Variants in TNPO2 observed in about 807,000 individuals in gnomAD.
TNPO2 encodes transportin 2.
In TNPO2, 16 loss-of-function variants were observed where a neutral mutation model predicts 111.1. The observed-to-expected ratio is 0.14, with a 90% CI of 0.10 to 0.22. The LOEUF (loss-of-function observed/expected upper bound fraction) is 0.22. Ranked by LOEUF, TNPO2 falls within the 10% of genes least tolerant of loss-of-function variation. The pLI, the probability that TNPO2 is intolerant of heterozygous loss-of-function variation, is 1.00. For synonymous variants in TNPO2, 481 were observed against 475.8 expected, an observed-to-expected ratio of 1.01 and a Z score of -0.14; for missense variants, 530 against 1,173.7, an observed-to-expected ratio of 0.45 and a Z score of 8.01.
intron 3 of TNPO2, among the ~76,000 whole-genome samples, chr19:12,720,129 G>A: frequency 6.6e-6 from 1 of 152,014 alleles, no homozygotes. Flanking sequence ...CGATTCTCCT[G>A]CCTCAGCCTC....
At chr19:12,704,293 C>G (rs1201106331) in intron 18 of TNPO2, among the ~76,000 whole-genome samples, 1 of 151,102 alleles carries the variant, frequency 6.6e-6, no homozygotes, top group Non-Finnish European at 1.5e-5. Context: ...TGCTTGAACC[C>G]TGGAGGTGAA....
chr19:12,713,504 T>TAAAC (rs1249850488), intron 10 of TNPO2, among the ~76,000 whole-genome samples: 2 of 146,802 alleles, frequency 1.4e-5, no homozygotes, highest in Non-Finnish European at 2.9e-5. Context: ...AATAAATAAA[T>TAAAC]AAATAAATAA....
chr19:12,722,905 C>T (rs1967100899), intron 2 of TNPO2, among the ~76,000 whole-genome samples: 2 of 152,212 alleles, frequency 1.3e-5, no homozygotes, highest in Admixed American at 1.3e-4. Context: ...AGGAACCCCT[C>T]GGCCAGAGCC....
intron 3 of TNPO2, among the ~76,000 whole-genome samples, chr19:12,720,308 C>T (rs1333064883): frequency 6.6e-6 from 1 of 152,052 alleles, no homozygotes; most frequent in Non-Finnish European, 1.5e-5. Context: ...CGTGAACCAC[C>T]GCGCCTGGCC....
rs2025232489 is a variant in TNPO2 at position 12,700,623 on chromosome 19, C to A, written c.*641G>T. On this transcript the variant is annotated 3_prime_UTR_variant, in exon 26 of 26. Coordinates refer to ENST00000425528, the MANE Select transcript of TNPO2 (RefSeq NM_001382241.1). ...CTCCCAAGGTCACCATCCTCCTCCC[C>A]CCGCCCCGAGATCCCGCCTGAGGCC... 1 of 151,708 alleles carries A rather than the reference C, an allele frequency of 6.6e-6. No homozygotes were observed. Among genetic ancestry groups the A allele is most frequent in the Middle Eastern group, 3.4e-3 (1 of 292 alleles). The allele number at this position is 151,708 out of a possible 1,614,324, so 9.4% of individuals were successfully genotyped here. A position where few individuals can be genotyped will look rare whatever the true frequency, so the allele number is the denominator to read the frequency against.
At position 12,715,038 on chromosome 19, in the gene TNPO2, C is replaced by T. The variant is rs778938593; in HGVS notation, c.771+9G>A. The T allele has an allele frequency of 4.6e-6, 7 of 1,529,796 alleles. No individual in the cohort carries two copies. The Admixed American group carries it at 1.3e-4, about 29-fold the overall frequency. The allele number at this position is 1,529,796 out of a possible 1,614,324, so 94.8% of individuals were successfully genotyped here. On this transcript the variant is annotated intron_variant, in intron 9 of 25. Coordinates refer to ENST00000425528, the MANE Select transcript of TNPO2 (RefSeq NM_001382241.1). The surrounding 1 kb of genome is among the most constrained non-coding windows in gnomAD (Gnocchi z 7.1). ...CCTGCCCGCCTGGGCTGGCCTTGACCATGCACACCTGGATGATGCTGTGCA... is the reference window on the plus strand; with the variant it reads ...CCTGCCCGCCTGGGCTGGCCTTGACTATGCACACCTGGATGATGCTGTGCA...
Position 12,702,235 on chromosome 19 carries a change from A to G in TNPO2, c.2306-58T>C. On this transcript the variant is annotated intron_variant, in intron 21 of 25. Transcript: ENST00000425528. The surrounding 1 kb of genome is among the most constrained non-coding windows in gnomAD (Gnocchi z 5.5). Reference sequence around the variant, plus strand: ...GGCGGGGCCTCTGGCACAAGGCACCAAGCCCCGCCCCATGAGCCCCAAGGG... The same window carrying G: ...GGCGGGGCCTCTGGCACAAGGCACCGAGCCCCGCCCCATGAGCCCCAAGGG... 6.8e-7 allele frequency: 1 copy of G among 1,468,426 alleles called. No individual in the cohort carries two copies. The highest frequency in any genetic ancestry group is 9.4e-7 in the Non-Finnish European group (1 of 1,066,622). 91.0% of individuals were successfully genotyped at this position (1,468,426 alleles called of 1,614,324 possible). A position where few individuals can be genotyped will look rare whatever the true frequency, so the allele number is the denominator to read the frequency against.
chr19:12,703,354 C>T (rs1170554818), intron 20 of TNPO2, 74 bp downstream of exon 20: 1 of 1,402,684 alleles, frequency 7.1e-7, no homozygotes, highest in African/African-American at 1.4e-5. Flanking sequence ...AGCTGTCAGT[C>T]AGAGCTAGGC....
intron 5 of TNPO2, among the ~76,000 whole-genome samples, chr19:12,717,931 C>T (rs1305362139): frequency 1.3e-5 from 2 of 152,308 alleles, no homozygotes; most frequent in Non-Finnish European, 2.9e-5. Flanking sequence ...ATCCGCCTGC[C>T]TTGGCCTCCC....
Position 12,701,990 on chromosome 19 carries a change from T to A in TNPO2, c.2411+82A>T. The A allele has an allele frequency of 1.4e-6, 2 of 1,472,290 alleles. No homozygotes were observed. The highest frequency in any genetic ancestry group is 1.9e-6 in the Non-Finnish European group (2 of 1,053,280). The allele number at this position is 1,472,290 out of a possible 1,614,324, so 91.2% of individuals were successfully genotyped here. A position where few individuals can be genotyped will look rare whatever the true frequency, so the allele number is the denominator to read the frequency against. ...GCAGGGCAGGGAGTCAGTAGGCAGA[T>A]GGGGCTGGAAATGCACAGGCGAGGG... On this transcript the variant is annotated intron_variant, in intron 22 of 25. Transcript: ENST00000425528. This position sits in a 1 kb window ranked among gnomAD's most constrained non-coding sequence, Gnocchi z 5.0.
rs542552195 is a variant in TNPO2 at position 12,721,094 on chromosome 19, C to T, written c.-13-104G>A. On this transcript the variant is annotated intron_variant, in intron 2 of 25. Coordinates refer to ENST00000425528, the MANE Select transcript of TNPO2 (RefSeq NM_001382241.1). This position sits in a 1 kb window ranked among gnomAD's most constrained non-coding sequence, Gnocchi z 4.9. Reference sequence around the variant, plus strand: ...GTGGCCGCATGACGACGGGAACGCCCTCGGCGGACAGGCGGAGGCCTCCGA... The same window carrying T: ...GTGGCCGCATGACGACGGGAACGCCTTCGGCGGACAGGCGGAGGCCTCCGA... 6.5e-7 allele frequency: 1 copy of T among 1,528,244 alleles called. No homozygotes were observed. The highest frequency in any genetic ancestry group is 2.5e-5 in the East Asian group (1 of 40,178). The allele number at this position is 1,528,244 out of a possible 1,614,324, so 94.7% of individuals were successfully genotyped here. A position where few individuals can be genotyped will look rare whatever the true frequency, so the allele number is the denominator to read the frequency against.
chr19:12,722,638 C>G (rs1475844125), intron 2 of TNPO2: 1 of 150,670 alleles, frequency 6.6e-6, no homozygotes, highest in South Asian at 2.1e-4. Flanking sequence ...GCCGCCGCGG[C>G]TCCCGTACTC....
rs780658839 is a variant in TNPO2 at position 12,711,423 on chromosome 19, C to T, written c.990G>A (p.Glu330=). Residue 330 remains glutamate, a synonymous_variant, in exon 12 of 26, where the codon GAG becomes GAA. Coordinates refer to ENST00000425528, the MANE Select transcript of TNPO2 (RefSeq NM_001382241.1). ...TGTGGAAGCGTGGCTTGATGTCCTG[C>T]TCACTGTCGGGGACAGCCTCATCCT... is the stretch of plus-strand genomic sequence containing the variant. ...VEEDEAVPDS[E]QDIKPRFHKS... is the part of the protein sequence containing the mutation. 5.0e-6 allele frequency: 8 copies of T among 1,614,012 alleles called. No individual in the cohort carries two copies. The South Asian group carries it at 5.5e-5, about 11-fold the overall frequency.
At chr19:12,712,211 G>T (rs995602861) in intron 10 of TNPO2, among the ~76,000 whole-genome samples, 8 of 152,222 alleles carry the variant, frequency 5.3e-5, no homozygotes, top group Non-Finnish European at 1.2e-4. Context: ...CCACCAGAGG[G>T]CTCCTTGGTC....
chr19:12,720,278 C>A (rs975291180), intron 3 of TNPO2, among the ~76,000 whole-genome samples: 2 of 151,882 alleles, frequency 1.3e-5, no homozygotes, highest in Non-Finnish European at 2.9e-5. Flanking sequence ...CTCGGCCTCC[C>A]AAAGTGCTGG....
intron 5 of TNPO2, among the ~76,000 whole-genome samples, chr19:12,717,980 C>A (rs1311198742): frequency 6.6e-6 from 1 of 152,002 alleles, no homozygotes; most frequent in Non-Finnish European, 1.5e-5. Context: ...CCACACCCAG[C>A]CAGAAGTCAT....
chr19:12,705,453 C>T lies in TNPO2; in HGVS notation c.1863+39G>A. Reference sequence around the variant, plus strand: ...TAAGTGGAGCAGGCCCGAGGCAGGCCAATGCAGAAGCACAGGTGACGGGCC... The same window carrying T: ...TAAGTGGAGCAGGCCCGAGGCAGGCTAATGCAGAAGCACAGGTGACGGGCC... On this transcript the variant is annotated intron_variant, in intron 17 of 25. Coordinates refer to ENST00000425528, the MANE Select transcript of TNPO2 (RefSeq NM_001382241.1). This position sits in a 1 kb window ranked among gnomAD's most constrained non-coding sequence, Gnocchi z 7.2. 1 of 1,576,258 alleles carries T rather than the reference C, an allele frequency of 6.3e-7. No individual in the cohort carries two copies. Among genetic ancestry groups the T allele is most frequent in the Non-Finnish European group, 8.6e-7 (1 of 1,160,834 alleles).
Position 12,703,695 on chromosome 19 carries a change from G to T in TNPO2, c.2110+19C>A, listed in dbSNP as rs766036550. On this transcript the variant is annotated intron_variant, in intron 19 of 25. Coordinates refer to ENST00000425528, the MANE Select transcript of TNPO2 (RefSeq NM_001382241.1). The stretch of plus-strand genomic sequence containing the variant: ...GCCGGGGCTGGGGTCATGGGTTAGG[G>T]ACAAGGCGAGTGTCGTACCGATACA... 6.2e-7 allele frequency: 1 copy of T among 1,605,140 alleles called. No homozygotes were observed. Among genetic ancestry groups the T allele is most frequent in the South Asian group, 1.1e-5 (1 of 90,038 alleles).
rs1467617741 is a variant in TNPO2, at chr19:12,699,290, CAA to C, written c.*1972_*1973del. ...GCCAATCCCCAGCACAGCACAGTAA[CAA>C]ATGGACAGACCCGGGAGCCCGCAGG... On this transcript the variant is annotated 3_prime_UTR_variant, in exon 26 of 26. Transcript: ENST00000425528. The C allele has an allele frequency of 1.1e-5, 5 of 441,848 alleles. No individual in the cohort carries two copies. Among genetic ancestry groups the C allele is most frequent in the African/African-American group, 8.1e-5 (4 of 49,368 alleles). The allele number at this position is 441,848 out of a possible 1,614,324, so 27.4% of individuals were successfully genotyped here. A position where few individuals can be genotyped will look rare whatever the true frequency, so the allele number is the denominator to read the frequency against.
Sources: gnomAD v4.1 joint callset for allele counts (sites outside exome capture counted in the v4.1 genomes callset) on GRCh38, gnomAD v4.1.1 for gene constraint, Gnocchi (gnomAD v3.1) non-coding constraint, MANE v1.5 for transcripts, NCBI Gene and HGNC (gene_info 2026-07-23, HGNC 2026-07-21) for gene names.